Variants in YWHAZ observed in about 807,000 individuals in gnomAD.
YWHAZ encodes tyrosine 3-monooxygenase/tryptophan 5-monooxygenase activation protein zeta.
For missense variants in YWHAZ, 79 were observed against 284.8 expected (o/e 0.28, Z 5.20); for synonymous variants, 87 against 103.6 (o/e 0.84, Z 0.97).
chr8:100,934,320 T>C (rs4734498), intron 2 of YWHAZ, among the ~76,000 whole-genome samples: 3 of 145,306 alleles, frequency 2.1e-5, no homozygotes, highest in African/African-American at 5.4e-5. Flanking sequence ...AGGGAGACCC[T>C]ATCTTTTTTT....
intron 2 of YWHAZ, among the ~76,000 whole-genome samples, chr8:100,947,343 A>G (rs966751924): frequency 1.4e-4 from 21 of 152,212 alleles, no homozygotes; most frequent in African/African-American, 5.1e-4. Flanking sequence ...GGCCCCAATA[A>G]AAGCAAGATA....
chr8:100,937,155 ACT>A (rs764735139), intron 2 of YWHAZ, among the ~76,000 whole-genome samples: 1 of 151,926 alleles, frequency 6.6e-6, no homozygotes, highest in African/African-American at 2.4e-5. Flanking sequence ...TATATGAAAA[ACT>A]CTTCATATTT....
intron 2 of YWHAZ, 24 bp from the exon 3 acceptor site, chr8:100,925,063 T>C (rs1014442766): frequency 5.0e-6 from 8 of 1,593,196 alleles, no homozygotes; most frequent in South Asian, 2.3e-5. Flanking sequence ...GAAACAGACA[T>C]AGTGAGAATA....
At chr8:100,949,757 T>C (rs908369624) in intron 1 of YWHAZ, among the ~76,000 whole-genome samples, 1 of 152,248 alleles carries the variant, frequency 6.6e-6, no homozygotes, top group Non-Finnish European at 1.5e-5. Flanking sequence ...ATAATGTAAT[T>C]GGATGTTACC....
intron 1 of YWHAZ, chr8:100,950,946 G>A: frequency 5.6e-6 from 1 of 177,554 alleles, no homozygotes; most frequent in Non-Finnish European, 1.1e-5. Context: ...CAAACCGAGC[G>A]CAGGGACCCT....
chr8:100,938,089 C>T (rs577324155), intron 2 of YWHAZ, among the ~76,000 whole-genome samples: 1 of 152,278 alleles, frequency 6.6e-6, no homozygotes, highest in East Asian at 1.9e-4. Flanking sequence ...AAGATCATGC[C>T]ATTGTACTCC....
intron 2 of YWHAZ, among the ~76,000 whole-genome samples, chr8:100,928,550 G>A (rs756704697): frequency 3.9e-5 from 6 of 151,988 alleles, no homozygotes; most frequent in Admixed American, 6.5e-5. Context: ...TGGCCAACAC[G>A]GTAAAACCTC....
At chr8:100,927,242 G>A (rs1047089028) in intron 2 of YWHAZ, among the ~76,000 whole-genome samples, 13 of 152,192 alleles carry the variant, frequency 8.5e-5, no homozygotes, top group Admixed American at 8.5e-4. Context: ...TACAAGAATT[G>A]CAGGGCACGG....
At chr8:100,951,087 T>C (rs1810723299) in intron 1 of YWHAZ, 2 of 404,352 alleles carry the variant, frequency 4.9e-6, no homozygotes, top group African/African-American at 3.5e-5. Context: ...GTCAGACCCA[T>C]CCCCCACCCC....
At position 100,922,676 on chromosome 8, in the gene YWHAZ, G is replaced by C. The variant is rs1221164567; in HGVS notation, c.678+1279C>G. 6.6e-6 allele frequency: 1 copy of C among 152,238 alleles called. No individual in the cohort carries two copies. The highest frequency in any genetic ancestry group is 1.9e-4 in the East Asian group (1 of 5,196). 9.4% of individuals were successfully genotyped at this position (152,238 alleles called of 1,614,324 possible). Reference sequence around the variant, plus strand: ...TGGGATTACAGGCGTGAGCCACCACGCCCGGCCAACCCTGGTTTTCTTATT... The same window carrying C: ...TGGGATTACAGGCGTGAGCCACCACCCCCGGCCAACCCTGGTTTTCTTATT... On this transcript the variant is annotated intron_variant, in intron 5 of 5. Coordinates refer to ENST00000395958, the MANE Select transcript of YWHAZ (RefSeq NM_145690.3). The surrounding 1 kb of genome is among the most constrained non-coding windows in gnomAD (Gnocchi z 4.1).
At position 100,952,019 on chromosome 8, in the gene YWHAZ, TC is replaced by T; in HGVS notation, c.-103del. 1 of 995,770 alleles carries T rather than the reference TC, an allele frequency of 1.0e-6. No homozygotes were observed. Among genetic ancestry groups the T allele is most frequent in the Non-Finnish European group, 1.2e-6 (1 of 836,912 alleles). The allele number at this position is 995,770 out of a possible 1,614,324, so 61.7% of individuals were successfully genotyped here. On this transcript the variant is annotated 5_prime_UTR_variant, in exon 1 of 6. Transcript: ENST00000395958. ...CAGCAGCGGCGAGGCTGAGACTCTG[TC>T]CCTGGATCTCGCTGCTCACAGGCTA...
rs1255880546 is a variant in YWHAZ, at chr8:100,917,063, CATT to C, written c.*3627_*3629del. 6.6e-6 allele frequency: 1 copy of C among 152,096 alleles called. No homozygotes were observed. The highest frequency in any genetic ancestry group is 1.5e-5 in the Non-Finnish European group (1 of 68,038). The allele number at this position is 152,096 out of a possible 1,614,324, so 9.4% of individuals were successfully genotyped here. A position where few individuals can be genotyped will look rare whatever the true frequency, so the allele number is the denominator to read the frequency against. ...TCCCTAGAGGAATGTGTAAGACCAT[CATT>C]GAGCATAGAGCACCAGTTTTCAAAG... is the stretch of plus-strand genomic sequence containing the variant. On this transcript the variant is annotated 3_prime_UTR_variant, in exon 6 of 6. Coordinates refer to ENST00000395958, the MANE Select transcript of YWHAZ (RefSeq NM_145690.3).
At chr8:100,927,627 G>A (rs1165960138) in intron 2 of YWHAZ, among the ~76,000 whole-genome samples, 1 of 152,222 alleles carries the variant, frequency 6.6e-6, no homozygotes, top group African/African-American at 2.4e-5. Context: ...AGTTACTTAA[G>A]AGTGAACCAG....
In YWHAZ at chr8:100,916,994, G is replaced by A. The variant is rs895115731; in HGVS notation, c.*3699C>T. 6.6e-6 allele frequency: 1 copy of A among 152,146 alleles called. No individual in the cohort carries two copies. The highest frequency in any genetic ancestry group is 1.5e-5 in the Non-Finnish European group (1 of 68,038). 9.4% of individuals were successfully genotyped at this position (152,146 alleles called of 1,614,324 possible). On this transcript the variant is annotated 3_prime_UTR_variant, in exon 6 of 6. Coordinates refer to ENST00000395958, the MANE Select transcript of YWHAZ (RefSeq NM_145690.3). The stretch of plus-strand genomic sequence containing the variant: ...GTTCTACCATAGTATTTCCTATATG[G>A]TAAATGAGAGAATACAATCAAGCCA...
intron 2 of YWHAZ, among the ~76,000 whole-genome samples, chr8:100,925,653 A>G (rs1484361204): frequency 1.3e-5 from 2 of 152,204 alleles, no homozygotes; most frequent in Non-Finnish European, 2.9e-5. Flanking sequence ...CTTTAATCTC[A>G]TTGAAGTCAT....
At chr8:100,951,772 A>G (rs1251136528) in intron 1 of YWHAZ, 157 bp downstream of exon 1, 1 of 984,732 alleles carries the variant, frequency 1.0e-6, no homozygotes, top group African/African-American at 1.8e-5. Flanking sequence ...GCGGAAGAGG[A>G]GCCGCCGCCC....
chr8:100,940,175 C>T (rs1378610724), intron 2 of YWHAZ, among the ~76,000 whole-genome samples: 5 of 152,040 alleles, frequency 3.3e-5, no homozygotes, highest in Admixed American at 6.6e-5. Flanking sequence ...TCACTGAAGG[C>T]GTTCCTCTTC....
chr8:100,939,588 G>A (rs895037866), intron 2 of YWHAZ, among the ~76,000 whole-genome samples: 1 of 151,940 alleles, frequency 6.6e-6, no homozygotes, highest in Non-Finnish European at 1.5e-5. Context: ...GAACCCAGGA[G>A]ACGGAGGATG....
intron 2 of YWHAZ, among the ~76,000 whole-genome samples, chr8:100,931,844 A>AT (rs1439784671): frequency 6.6e-6 from 1 of 152,222 alleles, no homozygotes; most frequent in Non-Finnish European, 1.5e-5. Context: ...TAAAATTTGT[A>AT]TAACTAGGAA....
Sources: allele counts gnomAD v4.1 joint callset (sites outside exome capture counted in the v4.1 genomes callset), GRCh38; gene constraint gnomAD v4.1.1; non-coding constraint Gnocchi (gnomAD v3.1); transcripts MANE v1.5; gene names NCBI Gene and HGNC (gene_info 2026-07-23, HGNC 2026-07-21).